Variants in ZNF133 observed in about 807,000 individuals in gnomAD.
ZNF133 encodes the protein zinc finger protein 133 (clone pHZ-13).
ZNF133 carries 26 observed loss-of-function variants against 54.9 expected under a neutral mutation model. That is an observed-to-expected ratio of 0.47 (90% CI 0.35 to 0.66). The LOEUF is 0.66. Among genes scored for constraint, ZNF133 ranks in the 30% least tolerant of loss-of-function variants. ZNF133 has a pLI of 0.01. For missense variants in ZNF133, 653 were observed against 820.8 expected, an observed-to-expected ratio of 0.80 and a Z score of 2.50; for synonymous variants, 298 against 320.3, an observed-to-expected ratio of 0.93 and a Z score of 0.74.
At chr20:18,299,173 A>G (rs1209933391) in intron 3 of ZNF133, among the ~76,000 whole-genome samples, 1 of 152,228 alleles carries the variant, frequency 6.6e-6, no homozygotes, top group Non-Finnish European at 1.5e-5. Flanking sequence ...TAAAACAGCC[A>G]TCTTAAAGAG....
At chr20:18,289,779 G>C (rs924781862) in intron 1 of ZNF133, 1 of 152,244 alleles carries the variant, frequency 6.6e-6, no homozygotes, top group African/African-American at 2.4e-5. Context: ...CAGGCACAGA[G>C]AAGGTCGCTT....
intron 6 of ZNF133, chr20:18,310,341 T>C: frequency 6.6e-7 from 1 of 1,517,724 alleles, no homozygotes; most frequent in Non-Finnish European, 8.8e-7. Context: ...CATTATTCTA[T>C]ATTTGGGACT....
chr20:18,315,703 G>A lies in ZNF133; in HGVS notation c.852G>A (p.Thr284=), dbSNP rs762383120. The A allele has an allele frequency of 1.9e-5, 31 of 1,613,476 alleles. No individual in the cohort carries two copies. The highest frequency in any genetic ancestry group is 2.5e-5 in the Non-Finnish European group (29 of 1,179,792). The change falls in exon 7 of 7, where the codon ACG becomes ACA. Residue 284 remains threonine, a synonymous_variant. Transcript: ENST00000425686. ...GACGAGGCTTTAACCGGAAGTCAAC[G>A]CTAATCATACACGAACGGACACACT... ...ECGRGFNRKS[T]LIIHERTHSG...
In ZNF133 at chr20:18,316,458, G is replaced by T. The variant is rs944511726; in HGVS notation, c.1607G>T (p.Gly536Val). The change falls in exon 7 of 7, where the codon GGT becomes GTT. Residue 536 changes from glycine to valine, a missense_variant. Physicochemically the swap from Gly to Val is moderately radical, Grantham distance 109. This residue lies in a region of ZNF133 where 5 missense variants were observed against 16.7 expected (regional missense o/e 0.30). Transcript: ENST00000425686. ...GGGCGAGGCTTTAGCCACCAGGCCG[G>T]TCTCATCAGGCACAAGCGGAAGCAC... ...ECGRGFSHQA[G>V]LIRHKRKHSR... 1.7e-5 allele frequency: 27 copies of T among 1,613,966 alleles called. No individual in the cohort carries two copies. The highest frequency in any genetic ancestry group is 2.2e-5 in the Non-Finnish European group (26 of 1,180,024).
chr20:18,295,414 G>A (rs2042034815), intron 1 of ZNF133: 1 of 152,382 alleles, frequency 6.6e-6, no homozygotes, highest in African/African-American at 2.4e-5. Flanking sequence ...GGTGATCAAT[G>A]TGGTGACAGA....
chr20:18,315,629 C>G lies in ZNF133; in HGVS notation c.778C>G (p.His260Asp). 1 of 1,614,068 alleles carries G rather than the reference C, an allele frequency of 6.2e-7. No individual in the cohort carries two copies. Among genetic ancestry groups the G allele is most frequent in the Non-Finnish European group, 8.5e-7 (1 of 1,179,998 alleles). Residue 260 changes from histidine (H) to aspartate (D), a missense_variant, in exon 7 of 7, where the codon CAC becomes GAC. By Grantham distance (81) the His-to-Asp change is moderately conservative. Coordinates refer to ENST00000425686, the MANE Select transcript of ZNF133 (RefSeq NM_001352452.2). ...CAGCCTAAAGAAGAGCCTCGCCAGA[C>G]ACCAGAAGGCACACTCGGGGGAGAA... is the stretch of plus-strand genomic sequence containing the variant. ...GFSLKKSLARHQKAHSGEKPI... is the reference protein window; with the variant it reads ...GFSLKKSLARDQKAHSGEKPI...
At chr20:18,300,120 GCATTTAA>G (rs1226664434) in intron 3 of ZNF133, among the ~76,000 whole-genome samples, 2 of 151,988 alleles carry the variant, frequency 1.3e-5, no homozygotes, top group Non-Finnish European at 2.9e-5. Context: ...GGAGACTACT[GCATTTAA>G]AAAAAAATAG....
intron 3 of ZNF133, among the ~76,000 whole-genome samples, chr20:18,299,374 T>C (rs890404678): frequency 1.3e-5 from 2 of 152,026 alleles, no homozygotes; most frequent in Non-Finnish European, 1.5e-5. Flanking sequence ...AACCAGGAGA[T>C]AGGACAATTA....
At chr20:18,308,735 TG>T (rs2045217034) in intron 6 of ZNF133, among the ~76,000 whole-genome samples, 1 of 152,248 alleles carries the variant, frequency 6.6e-6, no homozygotes, top group African/African-American at 2.4e-5. Context: ...GTGTTGCATT[TG>T]CTGTCAAACC....
intron 6 of ZNF133, chr20:18,314,557 C>T (rs972136126): frequency 2.6e-5 from 4 of 152,478 alleles, no homozygotes; most frequent in African/African-American, 9.7e-5. Context: ...GGGTGTGTCA[C>T]ATACTGTTTC....
At chr20:18,296,342 A>G (rs770226151) in intron 1 of ZNF133, among the ~76,000 whole-genome samples, 9 of 152,170 alleles carry the variant, frequency 5.9e-5, no homozygotes, top group East Asian at 1.9e-4. Context: ...GTTTGAGTCA[A>G]TGGCATGAAG....
chr20:18,305,793 A>G lies in ZNF133; in HGVS notation c.107A>G (p.Asn36Ser). 6.2e-7 allele frequency: 1 copy of G among 1,613,594 alleles called. No individual in the cohort carries two copies. ...YREVMLENYS[N>S]LVSLGISFSK... ...GAGGTGATGCTGGAGAACTACAGCA[A>G]CCTGGTCTCACTGGGTAAGCCTGAT... Residue 36 changes from asparagine to serine, a missense_variant, in exon 5 of 7, where the codon AAC (asparagine) becomes AGC (serine). Transcript: ENST00000425686. The surrounding 1 kb of genome is among the most constrained non-coding windows in gnomAD (Gnocchi z 4.7).
intron 6 of ZNF133, among the ~76,000 whole-genome samples, chr20:18,308,373 C>T (rs3819891): frequency 0.32 from 48,878 of 151,894 alleles, 9,835 homozygotes; most frequent in African/African-American, 0.56. Context: ...TTTCAACTTG[C>T]TTGTATCCTT....
chr20:18,314,037 G>C (rs981705335), intron 6 of ZNF133: 5 of 152,274 alleles, frequency 3.3e-5, no homozygotes, highest in Admixed American at 3.3e-4. Context: ...CACTTGGGCA[G>C]TTTGCTGAGT....
chr20:18,289,677 T>C (rs1226719354), intron 1 of ZNF133, among the ~76,000 whole-genome samples: 3 of 152,218 alleles, frequency 2.0e-5, no homozygotes, highest in Admixed American at 6.5e-5. Context: ...ATTGGGTTGT[T>C]GAAAGGATAG....
chr20:18,304,451 G>A (rs1288302558), intron 3 of ZNF133, among the ~76,000 whole-genome samples: 1 of 152,162 alleles, frequency 6.6e-6, no homozygotes, highest in African/African-American at 2.4e-5. Flanking sequence ...ATACAACCAT[G>A]TGCATGGAAG....
chr20:18,310,247 G>T, intron 6 of ZNF133: 1 of 1,530,032 alleles, frequency 6.5e-7, no homozygotes, highest in Non-Finnish European at 8.7e-7. Context: ...CATTGTGGTT[G>T]CCCAGGAAGC....
Position 18,294,320 on chromosome 20 carries a change from C to T in ZNF133, c.-431-3665C>T, listed in dbSNP as rs140312685. ...GGATACCCTTCAAAAGCGCCAAGTT[C>T]GTGAAAGATGAGAAAAGACAGAGGA... On this transcript the variant is annotated intron_variant, in intron 1 of 6. Transcript: ENST00000425686. Among the ~76,000 whole-genome samples, 592 of 152,128 alleles carry T rather than the reference C, an allele frequency of 3.9e-3. 2 individuals are homozygous for T. The highest frequency in any genetic ancestry group is 0.038 in the Middle Eastern group (11 of 292).
chr20:18,299,149 C>A (rs1478548362), intron 3 of ZNF133, among the ~76,000 whole-genome samples: 1 of 151,940 alleles, frequency 6.6e-6, no homozygotes, highest in Non-Finnish European at 1.5e-5. Context: ...AGTGTACTTA[C>A]TAAACAAAGA....
Sources: gnomAD v4.1 joint callset for allele counts (sites outside exome capture counted in the v4.1 genomes callset) on GRCh38, gnomAD v4.1.1 for gene constraint, gnomAD v4.1.1 regional missense constraint, Gnocchi (gnomAD v3.1) non-coding constraint, MANE v1.5 for transcripts, NCBI Gene and HGNC (gene_info 2026-07-23, HGNC 2026-07-21) for gene names.